SETX: variants seen among roughly 807,000 people sequenced by gnomAD.
The protein encoded by SETX is senataxin, also known as helicase senataxin.
Under a neutral mutation model 227.2 loss-of-function variants are expected in SETX, and 90 were observed. The observed-to-expected ratio is 0.40, with a 90% CI of 0.33 to 0.47. The LOEUF (loss-of-function observed/expected upper bound fraction) is 0.47. Among genes scored for constraint, SETX ranks in the 20% least tolerant of loss-of-function variants. The pLI, the probability that SETX is intolerant of heterozygous loss-of-function variation, is 0.91. For synonymous variants in SETX, 1,210 were observed against 1,113.2 expected (o/e 1.09, Z -1.73); for missense variants, 3,052 against 3,181.5 (o/e 0.96, Z 0.98).
chr9:132,290,254 T>TC (rs1482618581), intron 15 of SETX, among the ~76,000 whole-genome samples: 1 of 151,550 alleles, frequency 6.6e-6, no homozygotes, highest in East Asian at 1.9e-4. Flanking sequence ...TTATTTTTTT[T>TC]CCCACGTGTT....
chr9:132,324,901 C>T (rs1020853490), intron 10 of SETX, among the ~76,000 whole-genome samples: 6 of 152,164 alleles, frequency 3.9e-5, no homozygotes, highest in African/African-American at 7.2e-5. Flanking sequence ...TCCTTCTAAA[C>T]GCAGTTGAAT....
At chr9:132,348,234 C>T (rs113032092) in intron 3 of SETX, among the ~76,000 whole-genome samples, 6,228 of 151,554 alleles carry the variant, frequency 0.041, 434 homozygotes, top group African/African-American at 0.14. Context: ...TGGCACGTGC[C>T]TTTAGTCCCA....
At chr9:132,289,028 G>A (rs2131250280) in intron 15 of SETX, among the ~76,000 whole-genome samples, 1 of 152,306 alleles carries the variant, frequency 6.6e-6, no homozygotes, top group South Asian at 2.1e-4. Context: ...GTTCTCTCAT[G>A]TTGGGGAAAG....
intron 6 of SETX, among the ~76,000 whole-genome samples, chr9:132,335,255 G>A (rs897168141): frequency 6.6e-6 from 1 of 151,662 alleles, no homozygotes; most frequent in South Asian, 2.1e-4. Flanking sequence ...GCCAGGCGTG[G>A]TGGCAGGCGC....
At chr9:132,271,053 G>T (rs1277847724) in intron 24 of SETX, among the ~76,000 whole-genome samples, 4 of 152,112 alleles carry the variant, frequency 2.6e-5, no homozygotes, top group Non-Finnish European at 5.9e-5. Flanking sequence ...CTTGGGCTTG[G>T]GATATTTTCT....
At chr9:132,353,306 T>C (rs980143916) in intron 2 of SETX, among the ~76,000 whole-genome samples, 1 of 152,100 alleles carries the variant, frequency 6.6e-6, no homozygotes, top group African/African-American at 2.4e-5. Context: ...TCCACTGGCC[T>C]TGGAAACCCA....
At chr9:132,352,366 C>G (rs908497125) in intron 2 of SETX, among the ~76,000 whole-genome samples, 2 of 152,230 alleles carry the variant, frequency 1.3e-5, no homozygotes, top group African/African-American at 4.8e-5. Flanking sequence ...ATTCTCACCT[C>G]TTCATTCAGT....
chr9:132,288,336 G>A lies in SETX; in HGVS notation c.6224C>T (p.Ser2075Phe). Residue 2075 changes from serine (S) to phenylalanine (F), a missense_variant, in exon 17 of 26, where the codon TCT (serine) becomes TTT (phenylalanine). Physicochemically the swap from Ser to Phe is radical, Grantham distance 155. Around this residue, in one of 10 missense-constraint regions of SETX, gnomAD observed 412 missense variants for 589.0 expected, o/e 0.70. Coordinates refer to ENST00000224140, the MANE Select transcript of SETX (RefSeq NM_015046.7). ...TCTTTTATGCATCGCCTGAACATGA[G>A]AAGGTAACTCTTTTTCTAATAAAAA... Reference protein sequence around the residue: ...VNHRMKKELPSHVQAMHKRKE... With the variant: ...VNHRMKKELPFHVQAMHKRKE... 6.2e-7 allele frequency: 1 copy of A among 1,612,920 alleles called. No homozygotes were observed. Among genetic ancestry groups the A allele is most frequent in the Non-Finnish European group, 8.5e-7 (1 of 1,178,926 alleles).
chr9:132,347,539 T>C (rs1848359307), intron 3 of SETX, among the ~76,000 whole-genome samples: 7 of 151,982 alleles, frequency 4.6e-5, no homozygotes, highest in Admixed American at 4.6e-4. Context: ...CTCAAACTGC[T>C]GACCTCGTAA....
chr9:132,303,503 A>C (rs1845149504), intron 11 of SETX, among the ~76,000 whole-genome samples: 1 of 151,802 alleles, frequency 6.6e-6, no homozygotes, highest in Non-Finnish European at 1.5e-5. Context: ...AGGATACAAA[A>C]AGCATTTTGA....
intron 19 of SETX, 184 bp downstream of exon 19, chr9:132,283,080 C>T: frequency 2.7e-6 from 2 of 735,384 alleles, no homozygotes; most frequent in Non-Finnish European, 4.4e-6. Flanking sequence ...CTGGAAAATC[C>T]ACTTTCACTA....
At chr9:132,354,171 C>T (rs1848755570) in intron 1 of SETX, among the ~76,000 whole-genome samples, 9 of 152,156 alleles carry the variant, frequency 5.9e-5, no homozygotes, top group Admixed American at 5.9e-4. Context: ...TTGGGGAGGA[C>T]GGACAAAGTC....
At chr9:132,341,245 AT>A (rs1554824193) in intron 5 of SETX, among the ~76,000 whole-genome samples, 1 of 151,912 alleles carries the variant, frequency 6.6e-6, no homozygotes, top group African/African-American at 2.4e-5. Context: ...AATAAAAAAA[AT>A]TTTTTTTAAT....
At chr9:132,309,033 G>A (rs1195166660) in intron 11 of SETX, among the ~76,000 whole-genome samples, 1 of 152,140 alleles carries the variant, frequency 6.6e-6, no homozygotes, top group African/African-American at 2.4e-5. Context: ...AGCTACTCGG[G>A]AGGTTGAGGC....
intron 18 of SETX, among the ~76,000 whole-genome samples, chr9:132,286,043 C>T (rs1403062214): frequency 3.3e-5 from 5 of 150,906 alleles, no homozygotes; most frequent in African/African-American, 7.3e-5. Context: ...ATTAGCTGGG[C>T]GTGGTGGCAC....
At chr9:132,275,509 T>C in intron 22 of SETX, 89 bp from the exon 23 acceptor site, 1 of 1,207,912 alleles carries the variant, frequency 8.3e-7, no homozygotes, top group Middle Eastern at 2.7e-4. Flanking sequence ...TTGTTTCCCA[T>C]TATAGTAAAG....
intron 5 of SETX, among the ~76,000 whole-genome samples, chr9:132,336,917 T>A (rs999079179): frequency 6.6e-6 from 1 of 151,812 alleles, no homozygotes; most frequent in African/African-American, 2.4e-5. Flanking sequence ...TACAAAAAAA[T>A]TAGCTGGACT....
At chr9:132,284,386 T>C (rs972561373) in intron 18 of SETX, among the ~76,000 whole-genome samples, 2 of 152,226 alleles carry the variant, frequency 1.3e-5, no homozygotes, top group Admixed American at 1.3e-4. Context: ...AAACTGCTAA[T>C]GAAAATATGC....
rs1189732521 is a variant in SETX at position 132,329,854 on chromosome 9, G to A, written c.1744C>T (p.His582Tyr). The change falls in exon 10 of 26, where the codon CAT (histidine) becomes TAT (tyrosine). Residue 582 changes from histidine (H) to tyrosine (Y), a missense_variant. This residue lies in a region of SETX where 179 missense variants were observed against 197.1 expected (regional missense o/e 0.91). Coordinates refer to ENST00000224140, the MANE Select transcript of SETX (RefSeq NM_015046.7). ...TGCTTTAAGCAACTTTGTAGCTCAT[G>A]GGTTTCCTGACTAGTCAACTGCCAA... is the stretch of plus-strand genomic sequence containing the variant. ...LGWQLTSQETHELQSCLKQII... is the reference protein window; with the variant it reads ...LGWQLTSQETYELQSCLKQII... 1 of 1,613,970 alleles carries A rather than the reference G, an allele frequency of 6.2e-7. No homozygotes were observed. Among genetic ancestry groups the A allele is most frequent in the Non-Finnish European group, 8.5e-7 (1 of 1,180,020 alleles).
Sources: allele counts gnomAD v4.1 joint callset (sites outside exome capture counted in the v4.1 genomes callset), GRCh38; gene constraint gnomAD v4.1.1; regional missense constraint gnomAD v4.1.1; transcripts MANE v1.5; gene names NCBI Gene and HGNC (gene_info 2026-07-23, HGNC 2026-07-21).